Variants in ZFP14 observed in about 807,000 individuals in gnomAD.
ZFP14 encodes the protein zinc finger protein 14 homolog.
A neutral mutation model predicts 54.5 loss-of-function variants in ZFP14; 22 were observed. That is an observed-to-expected ratio of 0.40 (90% CI 0.29 to 0.58). The LOEUF (loss-of-function observed/expected upper bound fraction) is 0.58. Among genes scored for constraint, ZFP14 ranks in the 20% least tolerant of loss-of-function variants. The pLI is 0.39. For missense variants in ZFP14, 470 were observed against 637.8 expected, an observed-to-expected ratio of 0.74 and a Z score of 2.83; for synonymous variants, 159 against 204.0, an observed-to-expected ratio of 0.78 and a Z score of 1.88.
intron 4 of ZFP14, among the ~76,000 whole-genome samples, chr19:36,344,846 T>C (rs1025485022): frequency 6.6e-6 from 1 of 152,160 alleles, no homozygotes; most frequent in Non-Finnish European, 1.5e-5. Context: ...CATGGAAACA[T>C]TGTCTTCCAC....
Position 36,370,621 on chromosome 19 carries a change from C to T in ZFP14, c.-79-2650G>A, listed in dbSNP as rs527545760. On this transcript the variant is annotated intron_variant, in intron 1 of 4. Coordinates refer to ENST00000270001, the MANE Select transcript of ZFP14 (RefSeq NM_020917.3). Reference sequence around the variant, plus strand: ...AGGCTTTGAGCGTGCCCCAGCACTGCACCAGCCAGAGTGGCCCTGGGCTTG... The same window carrying T: ...AGGCTTTGAGCGTGCCCCAGCACTGTACCAGCCAGAGTGGCCCTGGGCTTG... Among the ~76,000 whole-genome samples, 12 of 152,348 alleles carry T rather than the reference C, an allele frequency of 7.9e-5. No individual in the cohort carries two copies. In the East Asian group the frequency reaches 2.1e-3, roughly 27 times the overall value.
chr19:36,354,868 AC>A (rs1421599145), intron 4 of ZFP14, among the ~76,000 whole-genome samples: 4 of 142,576 alleles, frequency 2.8e-5, no homozygotes, highest in African/African-American at 1.0e-4. Context: ...GACAGGTTTC[AC>A]CATGTTGGCC....
Position 36,340,359 on chromosome 19 carries a change from A to G in ZFP14, c.1467T>C (p.Phe489=), listed in dbSNP as rs1600063991. The G allele has an allele frequency of 6.2e-7, 1 of 1,614,174 alleles. No individual in the cohort carries two copies. The highest frequency in any genetic ancestry group is 8.5e-7 in the Non-Finnish European group (1 of 1,180,032). Residue 489 remains phenylalanine, a synonymous_variant, in exon 5 of 5, where the codon TTT becomes TTC. Coordinates refer to ENST00000270001, the MANE Select transcript of ZFP14 (RefSeq NM_020917.3). This position sits in a 1 kb window ranked among gnomAD's most constrained non-coding sequence, Gnocchi z 5.4. The part of the protein sequence containing the change: ...PYECKECGKA[F]RLYSFLTQHQ... The stretch of plus-strand genomic sequence containing the variant: ...GTTGAGTAAGAAATGAATAAAGTCT[A>G]AAAGCCTTACCACATTCCTTACATT...
chr19:36,367,154 CA>C (rs35169998), intron 2 of ZFP14, among the ~76,000 whole-genome samples: 35,234 of 134,180 alleles, frequency 0.26, 4,201 homozygotes, highest in African/African-American at 0.35. Context: ...AACTCTGTCT[CA>C]AAAAAAAAAA....
chr19:36,349,250 A>AC (rs2031479002), intron 4 of ZFP14, among the ~76,000 whole-genome samples: 1 of 68,782 alleles, frequency 1.5e-5, no homozygotes, highest in African/African-American at 7.6e-5. Flanking sequence ...AAACAAAAAA[A>AC]AAAAAACAAA....
rs556452062 is a variant in ZFP14, at chr19:36,340,331, G to C, written c.1495C>G (p.Gln499Glu). 1 of 1,614,022 alleles carries C rather than the reference G, an allele frequency of 6.2e-7. No individual in the cohort carries two copies. The highest frequency in any genetic ancestry group is 2.2e-5 in the East Asian group (1 of 44,860). ...GGCTTCTCACCAGTATGAATTCTCT[G>C]GTGTTGAGTAAGAAATGAATAAAGT... Reference protein sequence around the residue: ...FRLYSFLTQHQRIHTGEKPYK... With the variant: ...FRLYSFLTQHERIHTGEKPYK... Residue 499 changes from glutamine (Q) to glutamate (E), a missense_variant, in exon 5 of 5, where the codon CAG (glutamine) becomes GAG (glutamate). Physicochemically the swap from Gln to Glu is conservative, Grantham distance 29 (BLOSUM62 2). Transcript: ENST00000270001. The surrounding 1 kb of genome is among the most constrained non-coding windows in gnomAD (Gnocchi z 5.4).
chr19:36,374,027 C>T (rs2031920990), intron 1 of ZFP14, among the ~76,000 whole-genome samples: 1 of 151,990 alleles, frequency 6.6e-6, no homozygotes, highest in Non-Finnish European at 1.5e-5. Flanking sequence ...ACAATGACTG[C>T]ATTGCAAGAC....
At position 36,351,954 on chromosome 19, in the gene ZFP14, C is replaced by T. The variant is rs1010628791; in HGVS notation, c.235+8481G>A. Among the ~76,000 whole-genome samples, 9 of 142,816 alleles carry T rather than the reference C, an allele frequency of 6.3e-5. 2 individuals are homozygous for T. Among genetic ancestry groups the T allele is most frequent in the Non-Finnish European group, 9.3e-5 (6 of 64,228 alleles). 93.7% of individuals were successfully genotyped at this position (142,816 alleles called of 152,430 possible). A position where few individuals can be genotyped will look rare whatever the true frequency, so the allele number is the denominator to read the frequency against. ...ATCCCAGCACTTTGGGAGGCCGAGGCGGGTGGATCACAAGGTCAGGATATC... is the reference window on the plus strand; with the variant it reads ...ATCCCAGCACTTTGGGAGGCCGAGGTGGGTGGATCACAAGGTCAGGATATC... On this transcript the variant is annotated intron_variant, in intron 4 of 4. Coordinates refer to ENST00000270001, the MANE Select transcript of ZFP14 (RefSeq NM_020917.3).
In ZFP14 at chr19:36,367,987, G is replaced by GA. The variant is rs1376536738; in HGVS notation, c.-79-17dup. ...TAAGCCAGAGCTGAAAGAAGAAAAAGAAACCATGAAATAAGCTGCGCCACA... is the reference window on the plus strand; with the variant it reads ...TAAGCCAGAGCTGAAAGAAGAAAAAGAAAACCATGAAATAAGCTGCGCCACA... On this transcript the variant is annotated splice_polypyrimidine_tract_variant and intron_variant, in intron 1 of 4. Coordinates refer to ENST00000270001, the MANE Select transcript of ZFP14 (RefSeq NM_020917.3). 142 of 1,421,092 alleles carry GA rather than the reference G, an allele frequency of 1.0e-4. No individual in the cohort carries two copies. The East Asian group carries it at 3.1e-3, about 31-fold the overall frequency. 88.0% of individuals were successfully genotyped at this position (1,421,092 alleles called of 1,614,324 possible). A position where few individuals can be genotyped will look rare whatever the true frequency, so the allele number is the denominator to read the frequency against.
chr19:36,366,086 G>A (rs2031789886), intron 2 of ZFP14, among the ~76,000 whole-genome samples: 3 of 151,720 alleles, frequency 2.0e-5, no homozygotes, highest in African/African-American at 4.8e-5. Flanking sequence ...CCGACATGGT[G>A]AAACCCCGTC....
intron 2 of ZFP14, among the ~76,000 whole-genome samples, chr19:36,366,556 A>C (rs1250410999): frequency 6.6e-6 from 1 of 152,094 alleles, no homozygotes; most frequent in Non-Finnish European, 1.5e-5. Flanking sequence ...AGCTTAAGCG[A>C]TCTGCCCACC....
At chr19:36,349,130 G>A (rs182546848) in intron 4 of ZFP14, among the ~76,000 whole-genome samples, 120 of 150,648 alleles carry the variant, frequency 8.0e-4, no homozygotes, top group Middle Eastern at 3.5e-3. Flanking sequence ...TTGGGAAGCT[G>A]AGGCAGGAGA....
chr19:36,352,718 G>A (rs1181255685), intron 4 of ZFP14, among the ~76,000 whole-genome samples: 1 of 142,252 alleles, frequency 7.0e-6, no homozygotes, highest in Admixed American at 7.2e-5. Flanking sequence ...GAGGCGGGCG[G>A]ATCACAAGGC....
rs1201090608 is a variant in ZFP14, at chr19:36,346,274, T to A, written c.236-4684A>T. On this transcript the variant is annotated intron_variant, in intron 4 of 4. Coordinates refer to ENST00000270001, the MANE Select transcript of ZFP14 (RefSeq NM_020917.3). The stretch of plus-strand genomic sequence containing the variant: ...GCCTGGGTGACAGAGCGACAACCTG[T>A]CTCAAAACAAACAAAAAACCCAGGT... Among the ~76,000 whole-genome samples, 64 of 151,100 alleles carry A rather than the reference T, an allele frequency of 4.2e-4. 1 individual carries two copies.
At position 36,340,735 on chromosome 19, in the gene ZFP14, C is replaced by A; in HGVS notation, c.1091G>T (p.Gly364Val). 6.2e-7 allele frequency: 1 copy of A among 1,614,074 alleles called. No individual in the cohort carries two copies. The highest frequency in any genetic ancestry group is 8.5e-7 in the Non-Finnish European group (1 of 1,180,000). The change falls in exon 5 of 5, where the codon GGT becomes GTT. Residue 364 changes from glycine to valine, a missense_variant. Physicochemically the swap from Gly to Val is moderately radical, Grantham distance 109. Transcript: ENST00000270001. This position sits in a 1 kb window ranked among gnomAD's most constrained non-coding sequence, Gnocchi z 5.4. Reference sequence around the variant, plus strand: ...TTCCTTACATTCGTAGGGTTTCTCACCAGTATGAATACTCTGATGAACAGT... The same window carrying A: ...TTCCTTACATTCGTAGGGTTTCTCAACAGTATGAATACTCTGATGAACAGT... ...QLTVHQSIHTGEKPYECKECG... is the reference protein window; with the variant it reads ...QLTVHQSIHTVEKPYECKECG...
intron 4 of ZFP14, among the ~76,000 whole-genome samples, chr19:36,358,575 T>C (rs1266862653): frequency 6.6e-6 from 1 of 152,160 alleles, no homozygotes; most frequent in African/African-American, 2.4e-5. Context: ...TCTCATTTCT[T>C]TTTCTTTTGA....
intron 1 of ZFP14, among the ~76,000 whole-genome samples, chr19:36,370,229 C>T (rs1341015861): frequency 6.6e-6 from 1 of 152,162 alleles, no homozygotes; most frequent in Non-Finnish European, 1.5e-5. Context: ...TGTCACCCCT[C>T]CCCAGCTCAA....
chr19:36,370,875 A>C (rs1229867970), intron 1 of ZFP14, among the ~76,000 whole-genome samples: 1 of 152,276 alleles, frequency 6.6e-6, no homozygotes, highest in African/African-American at 2.4e-5. Flanking sequence ...ACAAAGATCA[A>C]CAACAATCAG....
At chr19:36,344,220 G>A (rs931671483) in intron 4 of ZFP14, among the ~76,000 whole-genome samples, 2 of 152,104 alleles carry the variant, frequency 1.3e-5, no homozygotes, top group African/African-American at 4.8e-5. Context: ...GGCCAGGCTG[G>A]TCTCGAACTC....
Sources: gnomAD v4.1 joint callset for allele counts (sites outside exome capture counted in the v4.1 genomes callset) on GRCh38, gnomAD v4.1.1 for gene constraint, Gnocchi (gnomAD v3.1) non-coding constraint, MANE v1.5 for transcripts, NCBI Gene and HGNC (gene_info 2026-07-23, HGNC 2026-07-21) for gene names.